Variants in ADGRA1 observed in about 807,000 individuals in gnomAD.
The protein encoded by ADGRA1 is adhesion G protein-coupled receptor A1, also known as G-protein coupled receptor 123.
ADGRA1 carries 12 observed loss-of-function variants against 21.3 expected under a neutral mutation model. The ratio of observed to expected loss-of-function variants is 0.56; its 90% CI spans 0.36 to 0.91. ADGRA1 has a LOEUF of 0.91. Among genes scored for constraint, ADGRA1 ranks in the 40% least tolerant of loss-of-function variants. ADGRA1 has a pLI of 0.01. For synonymous variants in ADGRA1, 385 were observed against 368.8 expected (o/e 1.04, Z -0.50); for missense variants, 790 against 805.6 (o/e 0.98, Z 0.23).
At chr10:133,090,615 G>C (rs1205851271) in intron 2 of ADGRA1, among the ~76,000 whole-genome samples, 1 of 152,162 alleles carries the variant, frequency 6.6e-6, no homozygotes, top group African/African-American at 2.4e-5. Context: ...TAGATACCTG[G>C]GCAGGCTCAC....
chr10:133,098,647 C>G lies in ADGRA1; in HGVS notation c.139C>G (p.Arg47Gly), dbSNP rs778463124. 42 of 1,608,990 alleles carry G rather than the reference C, an allele frequency of 2.6e-5. No individual in the cohort carries two copies. Among genetic ancestry groups the G allele is most frequent in the Non-Finnish European group, 3.3e-5 (39 of 1,179,702 alleles). ...TCCTTTCCCGTCCCACAGCGCCATC[C>G]GCATCAGCCGCAAGGGCCGGCACAC... Reference protein sequence around the residue: ...VTYIVHQSAIRISRKGRHTLL... With the variant: ...VTYIVHQSAIGISRKGRHTLL... The change falls in exon 4 of 7, where the codon CGC becomes GGC. Residue 47 changes from arginine (R) to glycine (G), a missense_variant. Around this residue, in one of 3 missense-constraint regions of ADGRA1, gnomAD observed 382 missense variants for 415.6 expected, o/e 0.92. Transcript: ENST00000392607.
At chr10:133,095,552 C>G (rs1024455226) in intron 2 of ADGRA1, 1 of 1,369,052 alleles carries the variant, frequency 7.3e-7, no homozygotes, top group Admixed American at 2.6e-5. Flanking sequence ...TCCCGGGATG[C>G]AGGGCCCCTC....
chr10:133,124,829 C>CCCCCGGCCCCGG (rs59424819), intron 5 of ADGRA1, among the ~76,000 whole-genome samples: 9 of 152,082 alleles, frequency 5.9e-5, no homozygotes, highest in South Asian at 2.1e-4. Context: ...GCACCCCCTT[C>CCCCCGGCCCCGG]CCCCGGCCCC....
Position 133,128,456 on chromosome 10 carries a change from G to T in ADGRA1, c.628G>T (p.Glu210Ter), listed in dbSNP as rs753948568. The T allele has an allele frequency of 6.3e-7, 1 of 1,596,042 alleles. No individual in the cohort carries two copies. The highest frequency in any genetic ancestry group is 8.5e-7 in the Non-Finnish European group (1 of 1,172,804). Residue 210 changes from glutamate (E) to a stop codon, truncating the protein, a stop_gained, in exon 7 of 7, where the codon GAG (glutamate) becomes TAG (stop). Coordinates refer to ENST00000392607, the MANE Select transcript of ADGRA1 (RefSeq NM_001083909.3). LOFTEE classifies it low-confidence loss of function (END_TRUNC). ...GCGGCGCCACCCAGGGCGCAGGTAC[G>T]AGCTGCGCACACAGCCCGAGGAGCA... Reference protein sequence around the residue: ...QLRRHPGRRYELRTQPEEQRR... With the variant: ...QLRRHPGRRY
At position 133,088,866 on chromosome 10, in the gene ADGRA1, G is replaced by GCCT; in HGVS notation, c.-38_-36dup. On this transcript the variant is annotated 5_prime_UTR_variant, in exon 2 of 7. Coordinates refer to ENST00000392607, the MANE Select transcript of ADGRA1 (RefSeq NM_001083909.3). The stretch of plus-strand genomic sequence containing the variant: ...GCCACCTGATCGCCTCCCCCTGGAC[G>GCCT]CCTCCTCCAGCGGCGCTCACGCTTC... The GCCT allele has an allele frequency of 8.1e-7, 1 of 1,237,876 alleles. No homozygotes were observed. Among genetic ancestry groups the GCCT allele is most frequent in the South Asian group, 4.1e-5 (1 of 24,438 alleles). 76.7% of individuals were successfully genotyped at this position (1,237,876 alleles called of 1,614,324 possible).
chr10:133,112,396 GCCGCGTCCGT>G, intron 5 of ADGRA1, among the ~76,000 whole-genome samples: 15 of 140,372 alleles, frequency 1.1e-4, no homozygotes, highest in African/African-American at 4.5e-4. Context: ...GGGTCTACGG[GCCGCGTCCGT>G]TATTTGGGGT....
In ADGRA1 at chr10:133,098,696, C is replaced by T. The variant is rs202033807; in HGVS notation, c.188C>T (p.Ala63Val). Residue 63 changes from alanine to valine, a missense_variant, in exon 4 of 7, where the codon GCG becomes GTG. Physicochemically the swap from Ala to Val is moderately conservative, Grantham distance 64. Transcript: ENST00000392607. ...ACGCTCCTGAATTTCTGCTTCCACG[C>T]GGCCCTGACCTTCACTGTGTTCGCC... ...RHTLLNFCFH[A>V]ALTFTVFAGG... is the part of the protein sequence containing the mutation. 1.6e-5 allele frequency: 26 copies of T among 1,611,758 alleles called. No homozygotes were observed. In the East Asian group the frequency reaches 2.9e-4, roughly 18 times the overall value.
chr10:133,089,088 G>C, intron 2 of ADGRA1, 176 bp downstream of exon 2: 2 of 1,139,926 alleles, frequency 1.8e-6, no homozygotes, highest in Non-Finnish European at 2.2e-6. Flanking sequence ...GGGACAGGCC[G>C]CGTGTCTGGG....
intron 5 of ADGRA1, among the ~76,000 whole-genome samples, chr10:133,114,991 C>A (rs956997017): frequency 3.3e-5 from 5 of 152,238 alleles, no homozygotes; most frequent in African/African-American, 1.2e-4. Flanking sequence ...GCATCGAAGG[C>A]CCCCAGGGGC....
rs1852527239 is a variant in ADGRA1, at chr10:133,131,549, C to G, written c.*2038C>G. On this transcript the variant is annotated 3_prime_UTR_variant, in exon 7 of 7. Coordinates refer to ENST00000392607, the MANE Select transcript of ADGRA1 (RefSeq NM_001083909.3). ...CTGGATCCTGGGGCAGGGCTGCTCT[C>G]CCTGGCCCCTGCAGCCCCTCATGAA... is the stretch of plus-strand genomic sequence containing the variant. The G allele has an allele frequency of 1.3e-5, 2 of 152,462 alleles. No homozygotes were observed. Among genetic ancestry groups the G allele is most frequent in the Admixed American group, 1.3e-4 (2 of 15,288 alleles). 9.4% of individuals were successfully genotyped at this position (152,462 alleles called of 1,614,324 possible).
chr10:133,102,625 C>G lies in ADGRA1; in HGVS notation c.256-72C>G, dbSNP rs1033607551. On this transcript the variant is annotated intron_variant, in intron 4 of 6. Transcript: ENST00000392607. The stretch of plus-strand genomic sequence containing the variant: ...CGTTCTCATTCTTGAAGTTGCAAGC[C>G]CGGGCCGAGGCTGCTGGGCTCTGGG... 48 of 1,523,998 alleles carry G rather than the reference C, an allele frequency of 3.1e-5. No individual in the cohort carries two copies. In the Admixed American group the frequency reaches 9.1e-4, roughly 29 times the overall value. The allele number at this position is 1,523,998 out of a possible 1,614,324, so 94.4% of individuals were successfully genotyped here.
intron 5 of ADGRA1, among the ~76,000 whole-genome samples, chr10:133,113,915 C>T (rs1852108798): frequency 6.6e-6 from 1 of 152,252 alleles, no homozygotes; most frequent in Non-Finnish European, 1.5e-5. Context: ...TCTAGCCCAG[C>T]CGTGAGCTTT....
rs1035149080 is a variant in ADGRA1 at position 133,128,937 on chromosome 10, C to T, written c.1109C>T (p.Ala370Val). ...TGCAAGATGACCAACCTGCAGGCCG[C>T]GCAGGGCCACGCCAGTTGCCTGTCA... ...GPCKMTNLQAAQGHASCLSPA... is the reference protein window; with the variant it reads ...GPCKMTNLQAVQGHASCLSPA... Residue 370 changes from alanine to valine, a missense_variant, in exon 7 of 7, where the codon GCG (alanine) becomes GTG (valine). Coordinates refer to ENST00000392607, the MANE Select transcript of ADGRA1 (RefSeq NM_001083909.3). 3.0e-5 allele frequency: 46 copies of T among 1,555,266 alleles called. No individual in the cohort carries two copies. In the Middle Eastern group the frequency reaches 5.0e-4, roughly 17 times the overall value.
At chr10:133,093,405 CAG>C in intron 2 of ADGRA1, 2 of 1,050,984 alleles carry the variant, frequency 1.9e-6, no homozygotes, top group East Asian at 2.6e-5. Flanking sequence ...TGAGGGAAAA[CAG>C]AGGAGGAAGT....
At chr10:133,110,091 C>A (rs1482918456) in intron 5 of ADGRA1, among the ~76,000 whole-genome samples, 1 of 152,228 alleles carries the variant, frequency 6.6e-6, no homozygotes, top group African/African-American at 2.4e-5. Flanking sequence ...CACCACAGGG[C>A]CAACGAGGGA....
At position 133,123,316 on chromosome 10, in the gene ADGRA1, C is replaced by T. The variant is rs187080173; in HGVS notation, c.402-3917C>T. On this transcript the variant is annotated intron_variant, in intron 5 of 6. Transcript: ENST00000392607. ...TGGGCCGCCCACTCTTCCTCACTGA[C>T]GGGCAGGAGCCTGTGTTTGTTCCTC... Among the ~76,000 whole-genome samples, 448 of 152,354 alleles carry T rather than the reference C, an allele frequency of 2.9e-3. 2 individuals are homozygous for T. The highest frequency in any genetic ancestry group is 0.017 in the East Asian group (86 of 5,178).
At chr10:133,102,968 A>T in intron 5 of ADGRA1, 126 bp downstream of exon 5, 2 of 905,150 alleles carry the variant, frequency 2.2e-6, no homozygotes, top group African/African-American at 1.7e-5. Context: ...TCCATGGGGG[A>T]GGGTCAGTGT....
In ADGRA1 at chr10:133,129,633, TGCCCCTTCCTTGTGATCACACCC is replaced by T; in HGVS notation, c.*123_*145del. On this transcript the variant is annotated 3_prime_UTR_variant, in exon 7 of 7. Coordinates refer to ENST00000392607, the MANE Select transcript of ADGRA1 (RefSeq NM_001083909.3). The stretch of plus-strand genomic sequence containing the variant: ...GCCTTTCAGAAGCCGTTCACACCCC[TGCCCCTTCCTTGTGATCACACCC>T]CTGCCCCTTCCTTGTGATCACACCC... 2.0e-6 allele frequency: 1 copy of T among 498,764 alleles called. No individual in the cohort carries two copies. Among genetic ancestry groups the T allele is most frequent in the South Asian group, 2.9e-5 (1 of 34,274 alleles). 30.9% of individuals were successfully genotyped at this position (498,764 alleles called of 1,614,324 possible).
intron 5 of ADGRA1, among the ~76,000 whole-genome samples, chr10:133,119,579 C>A (rs1852219548): frequency 6.6e-6 from 1 of 152,182 alleles, no homozygotes; most frequent in Admixed American, 6.5e-5. Flanking sequence ...TAGTCTCAAT[C>A]CTTTGTTGTC....
Sources: gnomAD v4.1 joint callset for allele counts (sites outside exome capture counted in the v4.1 genomes callset) on GRCh38, gnomAD v4.1.1 for gene constraint, gnomAD v4.1.1 regional missense constraint, MANE v1.5 for transcripts, NCBI Gene and HGNC (gene_info 2026-07-23, HGNC 2026-07-21) for gene names.